The following EIF2AK3 variants were observed in gnomAD, a reference collection of about 807,000 sequenced individuals.
The protein encoded by EIF2AK3 is eukaryotic translation initiation factor 2 alpha kinase 3, also known as eukaryotic translation initiation factor 2-alpha kinase 3.
A neutral mutation model predicts 113.5 loss-of-function variants in EIF2AK3; 50 were observed. That is an observed-to-expected ratio of 0.44 (90% CI 0.35 to 0.56). EIF2AK3 has a LOEUF of 0.56. Among genes scored for constraint, EIF2AK3 ranks in the 20% least tolerant of loss-of-function variants. The probability of loss-of-function intolerance (pLI) is 0.00; values close to 1 mark genes in which losing one functional copy is unlikely to be tolerated. For missense variants in EIF2AK3, 1,185 were observed against 1,378.0 expected, an observed-to-expected ratio of 0.86 and a Z score of 2.22; for synonymous variants, 448 against 495.4, an observed-to-expected ratio of 0.90 and a Z score of 1.27.
rs1673862456 is a variant in EIF2AK3 at position 88,558,936 on chromosome 2, G to A, written c.3131C>T (p.Thr1044Ile). ...VRNLKFPPLFTQKYPCEYVMV... is the reference protein window; with the variant it reads ...VRNLKFPPLFIQKYPCEYVMV... ...ACATACCTCACAAGGATATTTCTGA[G>A]TAAATAATGGTGGAAATTTGAGATT... is the stretch of plus-strand genomic sequence containing the variant. The change falls in exon 16 of 17, where the codon ACT becomes ATT. Residue 1044 changes from threonine (T) to isoleucine (I), a missense_variant. Around this residue, in one of 3 missense-constraint regions of EIF2AK3, gnomAD observed 877 missense variants for 1,024.2 expected, o/e 0.86. Coordinates refer to ENST00000303236, the MANE Select transcript of EIF2AK3 (RefSeq NM_004836.7). 3 of 1,596,986 alleles carry A rather than the reference G, an allele frequency of 1.9e-6. No homozygotes were observed. The highest frequency in any genetic ancestry group is 2.6e-6 in the Non-Finnish European group (3 of 1,165,078).
In EIF2AK3 at chr2:88,557,728, A is replaced by G; in HGVS notation, c.*8T>C. ...ATCACCTATTAGGGTTGCTAGCACA[A>G]CTTAAGGCTAATTGCTTGGCAAAGG... On this transcript the variant is annotated 3_prime_UTR_variant, in exon 17 of 17. Coordinates refer to ENST00000303236, the MANE Select transcript of EIF2AK3 (RefSeq NM_004836.7). 5 of 1,614,048 alleles carry G rather than the reference A, an allele frequency of 3.1e-6. No individual in the cohort carries two copies. Among genetic ancestry groups the G allele is most frequent in the Non-Finnish European group, 4.2e-6 (5 of 1,179,880 alleles).
rs1489464532 is a variant in EIF2AK3, at chr2:88,557,212, C to T, written c.*524G>A. 1 of 160,190 alleles carries T rather than the reference C, an allele frequency of 6.2e-6. No individual in the cohort carries two copies. Among genetic ancestry groups the T allele is most frequent in the Admixed American group, 6.0e-5 (1 of 16,766 alleles). The allele number at this position is 160,190 out of a possible 1,614,324, so 9.9% of individuals were successfully genotyped here. The stretch of plus-strand genomic sequence containing the variant: ...ACAAATAGGACTATAAAACTACGGA[C>T]ATAAACCGTTATACAGTTTGTGCTA... On this transcript the variant is annotated 3_prime_UTR_variant, in exon 17 of 17. Coordinates refer to ENST00000303236, the MANE Select transcript of EIF2AK3 (RefSeq NM_004836.7).
At chr2:88,560,341 A>G (rs1673915807) in intron 15 of EIF2AK3, among the ~76,000 whole-genome samples, 1 of 152,138 alleles carries the variant, frequency 6.6e-6, no homozygotes, top group Non-Finnish European at 1.5e-5. Context: ...ATGTATTCTG[A>G]ATTCTAGACA....
chr2:88,588,936 AT>A, intron 6 of EIF2AK3, 35 bp from the exon 7 acceptor site: 2 of 1,609,292 alleles, frequency 1.2e-6, no homozygotes, highest in Non-Finnish European at 1.7e-6. Flanking sequence ...TTATGCATTG[AT>A]TTTTTTAAAA....
chr2:88,627,639 T>G, upstream of EIF2AK3: 1 of 222,602 alleles, frequency 4.5e-6, no homozygotes, highest in Non-Finnish European at 8.8e-6. Flanking sequence ...CCCGTCCCTC[T>G]TCCGGACGCA....
At chr2:88,582,452 C>T (rs1005771439) in intron 10 of EIF2AK3, among the ~76,000 whole-genome samples, 3 of 152,084 alleles carry the variant, frequency 2.0e-5, no homozygotes, top group East Asian at 1.9e-4. Context: ...GAATTACAAC[C>T]GGCTGAGGTG....
In EIF2AK3 at chr2:88,591,013, A is replaced by G. The variant is rs748516671; in HGVS notation, c.807T>C (p.Ile269=). Residue 269 remains isoleucine (I), a synonymous_variant, in exon 5 of 17, where the codon ATT becomes ATC. Coordinates refer to ENST00000303236, the MANE Select transcript of EIF2AK3 (RefSeq NM_004836.7). ...FSVGHFELRY[I]PDMETRAGFI... The stretch of plus-strand genomic sequence containing the variant: ...ATCCGGCTCTCGTTTCCATGTCTGG[A>G]ATATACCGAAGTTCAAAGTGGCCAA... The G allele has an allele frequency of 3.1e-6, 5 of 1,614,116 alleles. No homozygotes were observed. The East Asian group carries it at 1.1e-4, about 36-fold the overall frequency.
chr2:88,559,624 G>A (rs1480944985), intron 15 of EIF2AK3, among the ~76,000 whole-genome samples: 1 of 151,642 alleles, frequency 6.6e-6, no homozygotes, highest in Non-Finnish European at 1.5e-5. Flanking sequence ...GAGAGAAAGG[G>A]CCATATTAAA....
rs887176657 is a variant in EIF2AK3, at chr2:88,609,946, A to C, written c.438+3778T>G. Among the ~76,000 whole-genome samples, 7 of 51,144 alleles carry C rather than the reference A, an allele frequency of 1.4e-4. No homozygotes were observed. The East Asian group carries it at 3.0e-3, about 22-fold the overall frequency. 33.6% of individuals were successfully genotyped at this position (51,144 alleles called of 152,430 possible). A position where few individuals can be genotyped will look rare whatever the true frequency, so the allele number is the denominator to read the frequency against. On this transcript the variant is annotated intron_variant, in intron 2 of 16. Transcript: ENST00000303236. ...CAAAATAAGAAAACTCCATCTCTAC[A>C]AAAAAAAAAAAAAAAAAAAAAAAAA...
chr2:88,620,350 C>T (rs1344278553), intron 1 of EIF2AK3, among the ~76,000 whole-genome samples: 2 of 152,176 alleles, frequency 1.3e-5, no homozygotes, highest in African/African-American at 4.8e-5. Context: ...TCCTCCATGT[C>T]TTAAATTATT....
intron 8 of EIF2AK3, among the ~76,000 whole-genome samples, chr2:88,586,973 G>A (rs187188264): frequency 4.0e-5 from 6 of 150,602 alleles, no homozygotes; most frequent in Admixed American, 2.6e-4. Flanking sequence ...TTGGGAGGCC[G>A]AGGCAGGTGG....
rs746152711 is a variant in EIF2AK3 at position 88,583,464 on chromosome 2, A to G, written c.1729T>C (p.Trp577Arg). The G allele has an allele frequency of 1.2e-6, 2 of 1,613,162 alleles. No homozygotes were observed. Among genetic ancestry groups the G allele is most frequent in the South Asian group, 1.1e-5 (1 of 91,044 alleles). ...TATCCAGAGTTTTTTATGTCATTCC[A>G]GCTACTGTCATTGGCTTCACCACTT... Reference protein sequence around the residue: ...SVSGEANDSSWNDIKNSGYIS... With the variant: ...SVSGEANDSSRNDIKNSGYIS... The change falls in exon 10 of 17, where the codon TGG (tryptophan) becomes CGG (arginine). Residue 577 changes from tryptophan (W) to arginine (R), a missense_variant. Coordinates refer to ENST00000303236, the MANE Select transcript of EIF2AK3 (RefSeq NM_004836.7).
intron 13 of EIF2AK3, among the ~76,000 whole-genome samples, chr2:88,573,891 C>CTG (rs1197070627): frequency 6.6e-6 from 1 of 152,096 alleles, no homozygotes; most frequent in African/African-American, 2.4e-5. Context: ...TACATTCACT[C>CTG]CACATCTACT....
chr2:88,620,798 G>A (rs979342169), intron 1 of EIF2AK3, among the ~76,000 whole-genome samples: 8 of 152,148 alleles, frequency 5.3e-5, no homozygotes, highest in East Asian at 3.8e-4. Flanking sequence ...TTATCCATTC[G>A]AGGATAGTTA....
At chr2:88,615,367 C>T (rs1675544764) in intron 1 of EIF2AK3, among the ~76,000 whole-genome samples, 1 of 152,208 alleles carries the variant, frequency 6.6e-6, no homozygotes, top group South Asian at 2.1e-4. Context: ...TGTGTCCCCA[C>T]CAAAAAATTC....
At chr2:88,615,216 C>G (rs1355880854) in intron 1 of EIF2AK3, among the ~76,000 whole-genome samples, 1 of 152,240 alleles carries the variant, frequency 6.6e-6, no homozygotes, top group Non-Finnish European at 1.5e-5. Flanking sequence ...CCATCTACCG[C>G]CAACACCTCC....
intron 13 of EIF2AK3, among the ~76,000 whole-genome samples, chr2:88,573,175 AGAAAGGAATAAAACTTTCT>A (rs1431496208): frequency 6.8e-6 from 1 of 147,504 alleles, no homozygotes; most frequent in African/African-American, 2.5e-5. Context: ...TCTTCTATTT[AGAAAGGAATAAAACTTTCT>A]GATTTCTAGA....
At chr2:88,579,037 G>C (rs1674532800) in intron 11 of EIF2AK3, among the ~76,000 whole-genome samples, 1 of 151,988 alleles carries the variant, frequency 6.6e-6, no homozygotes, top group South Asian at 2.1e-4. Flanking sequence ...AAAATATAGA[G>C]GATATGATGA....
chr2:88,578,092 A>C (rs1314433624), intron 11 of EIF2AK3, among the ~76,000 whole-genome samples: 1 of 152,214 alleles, frequency 6.6e-6, no homozygotes, highest in Non-Finnish European at 1.5e-5. Flanking sequence ...AGTGCCTGGC[A>C]CATATGAATA....
Sources: allele counts gnomAD v4.1 joint callset (sites outside exome capture counted in the v4.1 genomes callset), GRCh38; gene constraint gnomAD v4.1.1; regional missense constraint gnomAD v4.1.1; transcripts MANE v1.5; gene names NCBI Gene and HGNC (gene_info 2026-07-23, HGNC 2026-07-21).